The following PTPN18 variants were observed in gnomAD, a reference collection of about 807,000 sequenced individuals.
PTPN18 encodes the protein protein tyrosine phosphatase non-receptor type 18.
A neutral mutation model predicts 65.4 loss-of-function variants in PTPN18; 65 were observed. That is an observed-to-expected ratio of 0.99 (90% CI 0.81 to 1.22). The LOEUF is 1.22. PTPN18 is among the 50% of genes most tolerant of loss of function. The probability of loss-of-function intolerance (pLI) is 0.00; values close to 1 mark genes in which losing one functional copy is unlikely to be tolerated. For missense variants in PTPN18, 616 were observed against 646.5 expected, an observed-to-expected ratio of 0.95 and a Z score of 0.51; for synonymous variants, 255 against 267.8, an observed-to-expected ratio of 0.95 and a Z score of 0.47.
chr2:130,366,982 C>A (rs548543283), intron 5 of PTPN18, among the ~76,000 whole-genome samples: 119 of 150,972 alleles, frequency 7.9e-4, no homozygotes, highest in African/African-American at 2.8e-3. Flanking sequence ...CCACTGCACT[C>A]AGCTAACTAA....
At chr2:130,367,864 C>T (rs917614648) in intron 5 of PTPN18, among the ~76,000 whole-genome samples, 1 of 151,766 alleles carries the variant, frequency 6.6e-6, no homozygotes, top group African/African-American at 2.4e-5. Context: ...TTCTGTTATC[C>T]CCCTTTCTCC....
At chr2:130,372,803 C>T (rs747453446) in intron 13 of PTPN18, 70 bp from the exon 14 acceptor site, 75 of 1,567,078 alleles carry the variant, frequency 4.8e-5, no homozygotes, top group Non-Finnish European at 5.9e-5. Flanking sequence ...GAAGCGTCCC[C>T]GCTAGGGGTG....
At position 130,375,007 on chromosome 2, in the gene PTPN18, G is replaced by C. The variant is rs759371309; in HGVS notation, c.*1783G>C. 3 of 216,422 alleles carry C rather than the reference G, an allele frequency of 1.4e-5. No individual in the cohort carries two copies. The Admixed American group carries it at 1.6e-4, about 11-fold the overall frequency. The allele number at this position is 216,422 out of a possible 1,614,324, so 13.4% of individuals were successfully genotyped here. A position where few individuals can be genotyped will look rare whatever the true frequency, so the allele number is the denominator to read the frequency against. On this transcript the variant is annotated 3_prime_UTR_variant, in exon 15 of 15. Transcript: ENST00000175756. ...GCTGGTGTGATATCATACCTTCGCCGGCCGCCTTTCCTTCCTGTTCTCTGT... is the reference window on the plus strand; with the variant it reads ...GCTGGTGTGATATCATACCTTCGCCCGCCGCCTTTCCTTCCTGTTCTCTGT...
In PTPN18 at chr2:130,369,840, G is replaced by C; in HGVS notation, c.546+13G>C. On this transcript the variant is annotated intron_variant, in intron 7 of 14. Coordinates refer to ENST00000175756, the MANE Select transcript of PTPN18 (RefSeq NM_014369.4). ...CACATTCCAGAAGGTACTGTGACAG[G>C]GGAGGAGGAGGTAAAGGGGCTCCTG... The C allele has an allele frequency of 6.3e-7, 1 of 1,583,512 alleles. No individual in the cohort carries two copies. The highest frequency in any genetic ancestry group is 8.7e-7 in the Non-Finnish European group (1 of 1,152,816).
In PTPN18 at chr2:130,371,237, GACTCCCCAGGC is replaced by G; in HGVS notation, c.967_977del (p.Pro323SerfsTer26). The G allele has an allele frequency of 6.2e-7, 1 of 1,610,846 alleles. No individual in the cohort carries two copies. Among genetic ancestry groups the G allele is most frequent in the Non-Finnish European group, 8.5e-7 (1 of 1,178,962 alleles). ...TCTACGACGATGCCCTCTTCCTCCG[GACTCCCCAGGC>G]ACTTCTCGCCATACCCCGCCCACCA... On this transcript the variant is annotated frameshift_variant, in exon 12 of 15. Transcript: ENST00000175756. LOFTEE classifies it high-confidence loss of function.
chr2:130,372,623 A>C, intron 13 of PTPN18, 140 bp downstream of exon 13: 1 of 1,171,744 alleles, frequency 8.5e-7, no homozygotes, highest in Non-Finnish European at 1.2e-6. Context: ...GCTGATGTCC[A>C]GGCGTCCCTG....
chr2:130,365,432 G>A (rs960859150), intron 5 of PTPN18, among the ~76,000 whole-genome samples: 1 of 152,122 alleles, frequency 6.6e-6, no homozygotes, highest in Non-Finnish European at 1.5e-5. Context: ...TTAAAATTGG[G>A]CTATTTGGGG....
intron 12 of PTPN18, chr2:130,372,022 A>G: frequency 1.9e-6 from 1 of 512,880 alleles, no homozygotes; most frequent in Non-Finnish European, 3.5e-6. Flanking sequence ...CACCCCTCAA[A>G]CCAACACTCT....
chr2:130,368,915 C>G, intron 5 of PTPN18: 1 of 473,638 alleles, frequency 2.1e-6, no homozygotes, highest in Non-Finnish European at 3.8e-6. Context: ...GGAGGGTATC[C>G]TGGACTGTAT....
At chr2:130,369,322 C>A in intron 6 of PTPN18, 121 bp downstream of exon 6, 1 of 912,114 alleles carries the variant, frequency 1.1e-6, no homozygotes, top group Non-Finnish European at 1.7e-6. Context: ...TGGTGTTAGC[C>A]TGCAAATAGT....
At chr2:130,359,560 GC>G in intron 4 of PTPN18, 47 bp from the exon 5 acceptor site, 7 of 1,612,858 alleles carry the variant, frequency 4.3e-6, no homozygotes, top group Middle Eastern at 1.6e-4. Flanking sequence ...AGTTTCCCTG[GC>G]CCCCTCACCC....
In PTPN18 at chr2:130,373,019, G is replaced by T. The variant is rs182845465; in HGVS notation, c.1315+72G>T. The T allele has an allele frequency of 7.0e-5, 112 of 1,590,698 alleles. No individual in the cohort carries two copies. Among genetic ancestry groups the T allele is most frequent in the Non-Finnish European group, 9.4e-5 (109 of 1,159,776 alleles). Reference sequence around the variant, plus strand: ...GAACCCAGGAGTCTGGGGTTGATGGGGCATGGAGCTTAGTCCTGTGGATGT... The same window carrying T: ...GAACCCAGGAGTCTGGGGTTGATGGTGCATGGAGCTTAGTCCTGTGGATGT... On this transcript the variant is annotated intron_variant, in intron 14 of 14. Coordinates refer to ENST00000175756, the MANE Select transcript of PTPN18 (RefSeq NM_014369.4). This position sits in a 1 kb window ranked among gnomAD's most constrained non-coding sequence, Gnocchi z 4.1.
chr2:130,372,787 T>G, intron 13 of PTPN18, 86 bp from the exon 14 acceptor site: 1 of 1,506,360 alleles, frequency 6.6e-7, no homozygotes, highest in South Asian at 1.1e-5. Context: ...CCTTCGGGCC[T>G]CCGGGGAAGC....
At chr2:130,370,445 T>G in intron 8 of PTPN18, 112 bp from the exon 9 acceptor site, 1 of 1,288,540 alleles carries the variant, frequency 7.8e-7, no homozygotes, top group Non-Finnish European at 1.1e-6. Flanking sequence ...ATTCTGGGAA[T>G]CAAGAGGCTC....
intron 5 of PTPN18, among the ~76,000 whole-genome samples, chr2:130,360,847 T>G (rs898527692): frequency 2.0e-5 from 3 of 152,094 alleles, no homozygotes; most frequent in Admixed American, 6.5e-5. Flanking sequence ...TTTTTTTTTT[T>G]TTGAGACAGA....
intron 4 of PTPN18, 46 bp from the exon 5 acceptor site, chr2:130,359,562 C>T (rs1276764626): frequency 1.2e-6 from 2 of 1,612,996 alleles, no homozygotes; most frequent in South Asian, 1.1e-5. Flanking sequence ...TTTCCCTGGC[C>T]CCCTCACCCA....
chr2:130,357,141 T>C (rs1680000671), intron 1 of PTPN18, among the ~76,000 whole-genome samples: 1 of 152,148 alleles, frequency 6.6e-6, no homozygotes, highest in South Asian at 2.1e-4. Context: ...TGAGCTGAGA[T>C]GGTTCCACTG....
intron 5 of PTPN18, 95 bp downstream of exon 5, chr2:130,359,741 G>T (rs1680137429): frequency 7.0e-7 from 1 of 1,431,632 alleles, no homozygotes; most frequent in Non-Finnish European, 9.8e-7. Flanking sequence ...CGAGGGTCCA[G>T]CTCTTGGAGT....
intron 12 of PTPN18, among the ~76,000 whole-genome samples, chr2:130,371,582 C>T (rs1425933102): frequency 6.6e-6 from 1 of 152,170 alleles, no homozygotes; most frequent in Non-Finnish European, 1.5e-5. Flanking sequence ...CTTCGGGAGG[C>T]CAAGGAGGGC....
Sources: allele counts gnomAD v4.1 joint callset (sites outside exome capture counted in the v4.1 genomes callset), GRCh38; gene constraint gnomAD v4.1.1; non-coding constraint Gnocchi (gnomAD v3.1); transcripts MANE v1.5; gene names NCBI Gene and HGNC (gene_info 2026-07-23, HGNC 2026-07-21).